CHRM3: variants seen among roughly 807,000 people sequenced by gnomAD.
The protein encoded by CHRM3 is muscarinic acetylcholine receptor M3.
Under a neutral mutation model 41.8 loss-of-function variants are expected in CHRM3, and 11 were observed. That is an observed-to-expected ratio of 0.26 (90% CI 0.17 to 0.44). The LOEUF (loss-of-function observed/expected upper bound fraction) is 0.44, where lower values mean the gene tolerates loss of function less well. Ranked by LOEUF, CHRM3 falls within the 20% of genes least tolerant of loss-of-function variation. The pLI is 1.00. For missense variants in CHRM3, 571 were observed against 745.4 expected, an observed-to-expected ratio of 0.77 and a Z score of 2.72; for synonymous variants, 297 against 301.4, an observed-to-expected ratio of 0.99 and a Z score of 0.15.
chr1:239,859,819 T>TATATATA (rs1675465542), intron 6 of CHRM3, among the ~76,000 whole-genome samples: 5 of 131,422 alleles, frequency 3.8e-5, no homozygotes, highest in African/African-American at 9.1e-5. Context: ...TCTAAGTGTT[T>TATATATA]TATATATATA....
chr1:239,720,344 T>C (rs575463916), intron 5 of CHRM3, among the ~76,000 whole-genome samples: 1 of 152,134 alleles, frequency 6.6e-6, no homozygotes, highest in African/African-American at 2.4e-5. Context: ...GTTCATATAG[T>C]CACTGGCAGT....
chr1:239,642,063 T>G lies in CHRM3; in HGVS notation c.-250+9777T>G, dbSNP rs1420021087. On this transcript the variant is annotated intron_variant, in intron 4 of 6. Coordinates refer to ENST00000676153, the MANE Select transcript of CHRM3 (RefSeq NM_001375978.1). ...TGGATATGAAATTCTGGGTTGAAAA[T>G]TCTTTTCTTTAAGAATGTTGAATAT... 3.1e-5 allele frequency among the ~76,000 whole-genome samples: 4 copies of G among 127,622 alleles called. 1 individual carries two copies. The highest frequency in any genetic ancestry group is 9.5e-5 in the African/African-American group (3 of 31,708). 83.7% of individuals were successfully genotyped at this position (127,622 alleles called of 152,430 possible).
intron 2 of CHRM3, among the ~76,000 whole-genome samples, chr1:239,499,655 A>T (rs975607335): frequency 6.6e-6 from 1 of 152,200 alleles, no homozygotes; most frequent in Non-Finnish European, 1.5e-5. Context: ...AAGGATCTTC[A>T]CTTAGGCACA....
At chr1:239,532,291 G>A (rs984956245) in intron 2 of CHRM3, among the ~76,000 whole-genome samples, 32 of 147,618 alleles carry the variant, frequency 2.2e-4, no homozygotes, top group Admixed American at 1.5e-3. Flanking sequence ...GATTACAGGC[G>A]TGAGCCACCG....
At chr1:239,900,715 G>A (rs115075887) in intron 6 of CHRM3, among the ~76,000 whole-genome samples, 155 of 152,254 alleles carry the variant, frequency 1.0e-3, no homozygotes, top group African/African-American at 3.5e-3. Flanking sequence ...TATTCCCTTG[G>A]AGGGACGAAG....
intron 1 of CHRM3, among the ~76,000 whole-genome samples, chr1:239,456,240 G>A (rs72754696): frequency 0.033 from 5,024 of 152,178 alleles, 143 homozygotes; most frequent in Non-Finnish European, 0.051. Context: ...TGTGAGAGTC[G>A]GGCTGGTTTC....
chr1:239,604,013 T>C (rs150310174), intron 3 of CHRM3, among the ~76,000 whole-genome samples: 42 of 152,252 alleles, frequency 2.8e-4, no homozygotes, highest in African/African-American at 9.6e-4. Context: ...CAGTAATATA[T>C]TAGTAAAAAT....
chr1:239,439,592 T>C (rs569286288), intron 1 of CHRM3, among the ~76,000 whole-genome samples: 59 of 152,316 alleles, frequency 3.9e-4, no homozygotes, highest in Admixed American at 2.0e-3. Flanking sequence ...TTAGTTTTTC[T>C]TGGAATAATG....
chr1:239,466,732 G>A (rs1305701756), intron 1 of CHRM3, among the ~76,000 whole-genome samples: 2 of 152,050 alleles, frequency 1.3e-5, no homozygotes, highest in Admixed American at 1.3e-4. Context: ...CCAAAGTGTT[G>A]GGATTACAGG....
intron 5 of CHRM3, among the ~76,000 whole-genome samples, chr1:239,713,891 A>T (rs1329390622): frequency 3.9e-5 from 6 of 152,178 alleles, no homozygotes. Flanking sequence ...GACAAAACAT[A>T]AGCCCAGAGA....
intron 2 of CHRM3, among the ~76,000 whole-genome samples, chr1:239,519,741 C>T (rs200378416): frequency 8.6e-4 from 73 of 85,002 alleles, no homozygotes; most frequent in Admixed American, 1.7e-3. Context: ...AAAACTAGTT[C>T]TTTTTTTTTT....
At chr1:239,762,658 T>C (rs1182016061) in intron 5 of CHRM3, among the ~76,000 whole-genome samples, 3 of 152,198 alleles carry the variant, frequency 2.0e-5, no homozygotes, top group African/African-American at 7.2e-5. Flanking sequence ...AATAAGAATG[T>C]TCATTAAATT....
In CHRM3 at chr1:239,447,763, C is replaced by A. The variant is rs923698217; in HGVS notation, c.-520-44946C>A. Reference sequence around the variant, plus strand: ...TGCACTCCAGCCTGGGCGAAAAGAGCGAAATTCTGTCTCAAAAAAACAAAC... The same window carrying A: ...TGCACTCCAGCCTGGGCGAAAAGAGAGAAATTCTGTCTCAAAAAAACAAAC... On this transcript the variant is annotated intron_variant, in intron 1 of 6. Transcript: ENST00000676153. Among the ~76,000 whole-genome samples the A allele has an allele frequency of 5.3e-5, 8 of 151,574 alleles. No individual in the cohort carries two copies. In the East Asian group the frequency reaches 7.7e-4, roughly 15 times the overall value.
intron 5 of CHRM3, among the ~76,000 whole-genome samples, chr1:239,814,480 G>A (rs1572381359): frequency 6.6e-6 from 1 of 152,236 alleles, no homozygotes; most frequent in African/African-American, 2.4e-5. Context: ...CTGCCTCCCA[G>A]CCCTCACCAC....
intron 1 of CHRM3, among the ~76,000 whole-genome samples, chr1:239,431,652 A>G (rs1436960132): frequency 1.3e-5 from 2 of 152,198 alleles, no homozygotes; most frequent in Non-Finnish European, 2.9e-5. Context: ...TGAGTGTGCA[A>G]AGATTCATTT....
At chr1:239,477,441 G>GA (rs1306624771) in intron 1 of CHRM3, among the ~76,000 whole-genome samples, 1 of 152,178 alleles carries the variant, frequency 6.6e-6, no homozygotes, top group Non-Finnish European at 1.5e-5. Flanking sequence ...GCAAAGCAAA[G>GA]ACACTTACAT....
At chr1:239,882,309 G>A (rs751133347) in intron 6 of CHRM3, among the ~76,000 whole-genome samples, 7 of 152,150 alleles carry the variant, frequency 4.6e-5, no homozygotes, top group Non-Finnish European at 1.0e-4. Context: ...TGGCGTGCAG[G>A]TGATTGTTAG....
At chr1:239,817,763 C>T (rs1018531507) in intron 5 of CHRM3, among the ~76,000 whole-genome samples, 1 of 152,120 alleles carries the variant, frequency 6.6e-6, no homozygotes, top group Admixed American at 6.6e-5. Context: ...CCTTGGCACA[C>T]TCAGGGAACT....
chr1:239,703,938 T>C (rs1229845648), intron 5 of CHRM3: 2 of 152,198 alleles, frequency 1.3e-5, no homozygotes, highest in Non-Finnish European at 2.9e-5. Flanking sequence ...TGCAAGAACA[T>C]CTCATTTTTA....
Sources: allele counts gnomAD v4.1 joint callset (sites outside exome capture counted in the v4.1 genomes callset), GRCh38; gene constraint gnomAD v4.1.1; transcripts MANE v1.5; gene names NCBI Gene and HGNC (gene_info 2026-07-23, HGNC 2026-07-21).